LILRB2: variants seen among roughly 807,000 people sequenced by gnomAD.
The protein encoded by LILRB2 is leukocyte immunoglobulin like receptor B2.
LILRB2 carries 47 observed loss-of-function variants against 72.7 expected under a neutral mutation model. The ratio of observed to expected loss-of-function variants is 0.65; its 90% confidence interval spans 0.51 to 0.82. LILRB2 has a LOEUF of 0.82. Ranked by LOEUF, LILRB2 falls within the 40% of genes least tolerant of loss-of-function variation. The probability of loss-of-function intolerance (pLI) is 0.00; values close to 1 mark genes in which losing one functional copy is unlikely to be tolerated. For missense variants in LILRB2, 767 were observed against 764.8 expected (o/e 1.00, Z -0.03); for synonymous variants, 279 against 313.7 (o/e 0.89, Z 1.17).
In LILRB2 at chr19:54,280,489, G is replaced by A. The variant is rs760140207; in HGVS notation, c.8C>T (p.Pro3Leu). 25 of 1,613,992 alleles carry A rather than the reference G, an allele frequency of 1.5e-5. No individual in the cohort carries two copies. The highest frequency in any genetic ancestry group is 2.0e-5 in the Non-Finnish European group (24 of 1,179,978). Residue 3 changes from proline to leucine, a missense_variant, in exon 2 of 14, where the codon CCC (proline) becomes CTC (leucine). Physicochemically the swap from Pro to Leu is moderately conservative, Grantham distance 98. This residue lies in a region of LILRB2 where 599 missense variants were observed against 568.2 expected (regional missense o/e 1.05). Transcript: ENST00000314446. Reference protein sequence around the residue: MTPIVTVLICLGL... With the variant: MTLIVTVLICLGL... ...GAGACAGATCAGGACTGTGACGATG[G>A]GGGTCATGGCGTCTCCTCCCACTGC... is the stretch of plus-strand genomic sequence containing the variant.
chr19:54,280,640 A>T (rs1569112754), intron 1 of LILRB2, 96 bp from the exon 2 acceptor site: 1 of 1,488,834 alleles, frequency 6.7e-7, no homozygotes, highest in South Asian at 1.2e-5. Context: ...GGGTGTTGTC[A>T]TCTGCAGCCA....
chr19:54,277,439 G>A (rs1180098027), intron 9 of LILRB2, 111 bp downstream of exon 9: 42 of 1,479,778 alleles, frequency 2.8e-5, no homozygotes, highest in Non-Finnish European at 3.8e-5. Flanking sequence ...GGCCCAGGCA[G>A]GGGAGGAGCC....
intron 4 of LILRB2, 67 bp downstream of exon 4, chr19:54,279,724 A>G (rs1437747246): frequency 3.1e-6 from 5 of 1,607,170 alleles, no homozygotes; most frequent in Non-Finnish European, 4.3e-6. Flanking sequence ...TGTGAGAGGG[A>G]GACACCCCTG....
At position 54,274,238 on chromosome 19, in the gene LILRB2, TA is replaced by T. The variant is rs2080108401; in HGVS notation, c.*444del. ...CCTCATGAGCAACTCTTCTTCTTCT[TA>T]TTCCCTTTCTTACACCTTCATTTGG... On this transcript the variant is annotated 3_prime_UTR_variant, in exon 14 of 14. Transcript: ENST00000314446. 6.2e-6 allele frequency: 1 copy of T among 162,392 alleles called. No individual in the cohort carries two copies. The highest frequency in any genetic ancestry group is 1.3e-5 in the Non-Finnish European group (1 of 74,182). 10.1% of individuals were successfully genotyped at this position (162,392 alleles called of 1,614,324 possible).
Position 54,277,264 on chromosome 19 carries a change from A to G in LILRB2, c.1357+286T>C, listed in dbSNP as rs2080278419. 4 of 1,521,880 alleles carry G rather than the reference A, an allele frequency of 2.6e-6. No homozygotes were observed. In the South Asian group the frequency reaches 3.6e-5, roughly 14 times the overall value. The allele number at this position is 1,521,880 out of a possible 1,614,324, so 94.3% of individuals were successfully genotyped here. A position where few individuals can be genotyped will look rare whatever the true frequency, so the allele number is the denominator to read the frequency against. The stretch of plus-strand genomic sequence containing the variant: ...CGACTCTGCTCCCCTCCCCTGCCCC[A>G]GGTCACCGTCTCTGCTGCAGGTGGG... On this transcript the variant is annotated intron_variant, in intron 9 of 13. Coordinates refer to ENST00000314446, the MANE Select transcript of LILRB2 (RefSeq NM_001080978.4).
At position 54,276,909 on chromosome 19, in the gene LILRB2, C is replaced by G. The variant is rs547037457; in HGVS notation, c.1378G>C (p.Val460Leu). 1.2e-5 allele frequency: 19 copies of G among 1,613,964 alleles called. No homozygotes were observed. In the South Asian group the frequency reaches 1.9e-4, roughly 16 times the overall value. ...ACGGCCACCAAGATGCCGATCACAACCCCCAGGTGCCTTCCCAGACCTTGA... is the reference window on the plus strand; with the variant it reads ...ACGGCCACCAAGATGCCGATCACAAGCCCCAGGTGCCTTCCCAGACCTTGA... ...PQSGLGRHLG[V>L]VIGILVAVVL... is the part of the protein sequence containing the mutation. Residue 460 changes from valine to leucine, a missense_variant, in exon 10 of 14, where the codon GTT (valine) becomes CTT (leucine). By Grantham distance (32) the Val-to-Leu change is conservative. Transcript: ENST00000314446.
At chr19:54,276,046 C>A (rs1172747224) in intron 12 of LILRB2, 43 bp from the exon 13 acceptor site, 1 of 1,607,636 alleles carries the variant, frequency 6.2e-7, no homozygotes, top group Non-Finnish European at 8.5e-7. Flanking sequence ...GGAAGGTTCC[C>A]TGGGACCTCT....
At position 54,280,025 on chromosome 19, in the gene LILRB2, G is replaced by T. The variant is rs1212091770; in HGVS notation, c.121C>A (p.Gln41Lys). 3.1e-6 allele frequency: 5 copies of T among 1,613,950 alleles called. No homozygotes were observed. The highest frequency in any genetic ancestry group is 3.3e-5 in the Admixed American group (2 of 60,008). ...LWAEPDSVIT[Q>K]GSPVTLSCQG... ...CAACTGAGGGTGACGGGACTCCCCT[G>T]GGTGATCACAGAGTCTGGCTCAGCC... The change falls in exon 4 of 14, where the codon CAG (glutamine) becomes AAG (lysine). Residue 41 changes from glutamine to lysine, a missense_variant. Gln to Lys is a moderately conservative substitution (Grantham distance 53, BLOSUM62 1). Around this residue, in one of 3 missense-constraint regions of LILRB2, gnomAD observed 599 missense variants for 568.2 expected, o/e 1.05. Transcript: ENST00000314446.
Position 54,277,919 on chromosome 19 carries a change from G to C in LILRB2, c.1279C>G (p.Pro427Ala). ...VVSGPSMGSSPPPTGPISTPG... is the reference protein window; with the variant it reads ...VVSGPSMGSSAPPTGPISTPG... Reference sequence around the variant, plus strand: ...GTGGAGATGGGACCGGTGGGTGGGGGGCTGGAACCCATGGAGGGTCCTGGG... The same window carrying C: ...GTGGAGATGGGACCGGTGGGTGGGGCGCTGGAACCCATGGAGGGTCCTGGG... Residue 427 changes from proline to alanine, a missense_variant, in exon 8 of 14, where the codon CCC (proline) becomes GCC (alanine). Coordinates refer to ENST00000314446, the MANE Select transcript of LILRB2 (RefSeq NM_001080978.4). 6.5e-7 allele frequency: 1 copy of C among 1,539,668 alleles called. No individual in the cohort carries two copies. Among genetic ancestry groups the C allele is most frequent in the East Asian group, 2.4e-5 (1 of 40,842 alleles).
At chr19:54,277,400 C>A in intron 9 of LILRB2, 150 bp downstream of exon 9, 3 of 1,307,582 alleles carry the variant, frequency 2.3e-6, no homozygotes, top group Non-Finnish European at 3.2e-6. Context: ...CACCTGCAGG[C>A]CTCTCTCCTT....
rs150493192 is a variant in LILRB2, at chr19:54,274,811, G to A, written c.1666C>T (p.Pro556Ser). ...AGCTGGGCGTAGGTCACATCCTGGG[G>A]GGCTTCAGATGCAGCAGCCTGCAGC... ...MDTRAAASEA[P>S]QDVTYAQLHS... Residue 556 changes from proline to serine, a missense_variant, in exon 14 of 14, where the codon CCC (proline) becomes TCC (serine). Pro to Ser is a moderately conservative substitution (Grantham distance 74, BLOSUM62 -1). Transcript: ENST00000314446. 4.3e-4 allele frequency: 694 copies of A among 1,613,210 alleles called. 2 individuals carry two copies. Among genetic ancestry groups the A allele is most frequent in the South Asian group, 8.0e-4 (73 of 90,946 alleles).
intron 9 of LILRB2, 25 bp from the exon 10 acceptor site, chr19:54,276,954 G>A (rs202071158): frequency 4.5e-5 from 73 of 1,605,656 alleles, no homozygotes; most frequent in Non-Finnish European, 6.0e-5. Flanking sequence ...TGTCAGGGAT[G>A]GGGGTGATGT....
rs577802636 is a variant in LILRB2 at position 54,275,022 on chromosome 19, C to G, written c.1648-193G>C. The G allele has an allele frequency of 4.0e-5, 65 of 1,607,886 alleles. No individual in the cohort carries two copies. In the South Asian group the frequency reaches 6.4e-4, roughly 16 times the overall value. The stretch of plus-strand genomic sequence containing the variant: ...CTCTCCTAGGTCTGGAGTGTTTCAC[C>G]GGGGCATATGTCACTGCCTGGGGGT... On this transcript the variant is annotated intron_variant, in intron 13 of 13. Coordinates refer to ENST00000314446, the MANE Select transcript of LILRB2 (RefSeq NM_001080978.4).
chr19:54,277,524 C>A lies in LILRB2; in HGVS notation c.1357+26G>T, dbSNP rs534579876. The A allele has an allele frequency of 3.2e-6, 5 of 1,558,050 alleles. No individual in the cohort carries two copies. In the African/African-American group the frequency reaches 5.4e-5, roughly 17 times the overall value. On this transcript the variant is annotated intron_variant, in intron 9 of 13. Coordinates refer to ENST00000314446, the MANE Select transcript of LILRB2 (RefSeq NM_001080978.4). ...CCCTGCCTCCCCGGGACCCCGCCCA[C>A]CTCCCACTCAGAGCCCCTCACTCAC...
chr19:54,276,327 G>C, intron 11 of LILRB2, 26 bp from the exon 12 acceptor site: 1 of 1,614,070 alleles, frequency 6.2e-7, no homozygotes, highest in Non-Finnish European at 8.5e-7. Flanking sequence ...GAGCTTTAGG[G>C]GCAGTGTATG....
chr19:54,280,405 T>C (rs1236370388), intron 2 of LILRB2, 58 bp downstream of exon 2: 9 of 1,613,876 alleles, frequency 5.6e-6, no homozygotes, highest in Non-Finnish European at 7.6e-6. Context: ...GACCAGAGTT[T>C]GGCTGTGGGG....
rs1391952497 is a variant in LILRB2 at position 54,274,587 on chromosome 19, G to A, written c.*96C>T. On this transcript the variant is annotated 3_prime_UTR_variant, in exon 14 of 14. Coordinates refer to ENST00000314446, the MANE Select transcript of LILRB2 (RefSeq NM_001080978.4). ...ATGGTCTTTGTTAGGGGTCCAGGCT[G>A]ACTGGGGTTCATTGGTGTCCACTGG... is the stretch of plus-strand genomic sequence containing the variant. 1 of 1,594,288 alleles carries A rather than the reference G, an allele frequency of 6.3e-7. No individual in the cohort carries two copies. The highest frequency in any genetic ancestry group is 1.7e-5 in the Admixed American group (1 of 58,666).
rs1388058228 is a variant in LILRB2, at chr19:54,274,690, A to C, written c.1787T>G (p.Ile596Ser). ...GTCTGCGTACCCTCCGGGCTAGTGG[A>C]TGGCCAGGGTGGCGTAGATGCTGGG... ...AEPSIYATLAIH is the reference protein window; with the variant it reads ...AEPSIYATLASH Residue 596 changes from isoleucine (I) to serine (S), a missense_variant, in exon 14 of 14, where the codon ATC (isoleucine) becomes AGC (serine). Ile to Ser is a moderately radical substitution (Grantham distance 142, BLOSUM62 -2). Coordinates refer to ENST00000314446, the MANE Select transcript of LILRB2 (RefSeq NM_001080978.4). 1 of 1,613,936 alleles carries C rather than the reference A, an allele frequency of 6.2e-7. No individual in the cohort carries two copies. The highest frequency in any genetic ancestry group is 1.1e-5 in the South Asian group (1 of 90,924).
rs577496573 is a variant in LILRB2, at chr19:54,279,772, T to G, written c.355+19A>C. 1 of 1,613,336 alleles carries G rather than the reference T, an allele frequency of 6.2e-7. No homozygotes were observed. The highest frequency in any genetic ancestry group is 8.5e-7 in the Non-Finnish European group (1 of 1,179,498). On this transcript the variant is annotated intron_variant, in intron 4 of 13. Transcript: ENST00000314446. ...CTGAGGGCAGAGCCTGGGGCTGGGATCCCTGAGTGTCCTCTCACCTGTCAT... is the reference window on the plus strand; with the variant it reads ...CTGAGGGCAGAGCCTGGGGCTGGGAGCCCTGAGTGTCCTCTCACCTGTCAT...
Sources: gnomAD v4.1 joint callset for allele counts on GRCh38, gnomAD v4.1.1 for gene constraint, gnomAD v4.1.1 regional missense constraint, MANE v1.5 for transcripts, NCBI Gene and HGNC (gene_info 2026-07-23, HGNC 2026-07-21) for gene names.